Variants in FRAS1 observed in about 807,000 individuals in gnomAD.
The protein encoded by FRAS1 is extracellular matrix organizing protein FRAS1.
FRAS1 carries 290 observed loss-of-function variants against 435.2 expected under a neutral mutation model. The observed-to-expected ratio is 0.67, with a 90% CI of 0.61 to 0.73. The LOEUF is 0.73. FRAS1 is among the 30% of genes least tolerant of loss of function. FRAS1 has a pLI of 0.00. For synonymous variants in FRAS1, 1,800 were observed against 1,851.0 expected (o/e 0.97, Z 0.71); for missense variants, 4,860 against 5,001.5 (o/e 0.97, Z 0.85).
At chr4:78,294,268 T>C (rs1296400370) in intron 14 of FRAS1, among the ~76,000 whole-genome samples, 1 of 152,146 alleles carries the variant, frequency 6.6e-6, no homozygotes, top group African/African-American at 2.4e-5. Flanking sequence ...AAAGGTTGTT[T>C]TGGTTTGCGG....
chr4:78,387,662 C>T lies in FRAS1; in HGVS notation c.3936C>T (p.Ser1312=), dbSNP rs770982584. ...VAVLQANDGH[S]FHNILFQVKT... Reference sequence around the variant, plus strand: ...TCTTGCAGGCCAATGATGGACACTCCTTCCATAATATACTGTTCCAAGTGA... The same window carrying T: ...TCTTGCAGGCCAATGATGGACACTCTTTCCATAATATACTGTTCCAAGTGA... The change falls in exon 29 of 74, where the codon TCC becomes TCT. Residue 1312 remains serine (S), a synonymous_variant. Coordinates refer to ENST00000512123, the MANE Select transcript of FRAS1 (RefSeq NM_025074.7). The T allele has an allele frequency of 6.3e-7, 1 of 1,592,704 alleles. No individual in the cohort carries two copies. Among genetic ancestry groups the T allele is most frequent in the East Asian group, 2.2e-5 (1 of 44,662 alleles).
intron 2 of FRAS1, among the ~76,000 whole-genome samples, chr4:78,097,483 A>G (rs1741869073): frequency 6.6e-6 from 1 of 152,212 alleles, no homozygotes; most frequent in African/African-American, 2.4e-5. Context: ...GCAATTCACA[A>G]AAGAAAGAGG....
intron 31 of FRAS1, among the ~76,000 whole-genome samples, chr4:78,409,780 G>C (rs1163431058): frequency 6.6e-6 from 1 of 152,202 alleles, no homozygotes; most frequent in African/African-American, 2.4e-5. Context: ...GCCTCTCAAA[G>C]TCTGAGTCTT....
intron 37 of FRAS1, among the ~76,000 whole-genome samples, chr4:78,431,011 A>AT (rs1734198951): frequency 6.6e-6 from 1 of 152,216 alleles, no homozygotes; most frequent in African/African-American, 2.4e-5. Context: ...AGTGAATCTA[A>AT]TTTTTTAATA....
intron 6 of FRAS1, among the ~76,000 whole-genome samples, chr4:78,260,919 A>G (rs1726065309): frequency 6.6e-6 from 1 of 152,110 alleles, no homozygotes; most frequent in African/African-American, 2.4e-5. Context: ...TGTCTGGAAT[A>G]TTATGGAGCT....
chr4:78,174,608 G>C (rs1721687444), intron 2 of FRAS1, among the ~76,000 whole-genome samples: 1 of 152,196 alleles, frequency 6.6e-6, no homozygotes, highest in South Asian at 2.1e-4. Flanking sequence ...CATACCAACT[G>C]TCTAACAATT....
intron 61 of FRAS1, among the ~76,000 whole-genome samples, chr4:78,500,348 C>G (rs1268585540): frequency 1.3e-5 from 2 of 152,128 alleles, no homozygotes; most frequent in Admixed American, 1.3e-4. Context: ...AAACAGGATA[C>G]CCAGTTTTGG....
In FRAS1 at chr4:78,421,844, C is replaced by G. The variant is rs1367385137; in HGVS notation, c.4541-19C>G. 3 of 1,613,480 alleles carry G rather than the reference C, an allele frequency of 1.9e-6. No homozygotes were observed. Among genetic ancestry groups the G allele is most frequent in the Non-Finnish European group, 2.5e-6 (3 of 1,179,550 alleles). ...ATGAGAATTACTGTTGATGCTGAGG[C>G]CAAATCTCTTCCTCCCAGGTATCAT... On this transcript the variant is annotated intron_variant, in intron 33 of 73. Transcript: ENST00000512123.
In FRAS1 at chr4:78,541,173, G is replaced by A; in HGVS notation, c.*49G>A. 1 of 1,095,776 alleles carries A rather than the reference G, an allele frequency of 9.1e-7. No homozygotes were observed. The highest frequency in any genetic ancestry group is 1.2e-6 in the Non-Finnish European group (1 of 828,482). 67.9% of individuals were successfully genotyped at this position (1,095,776 alleles called of 1,614,324 possible). Reference sequence around the variant, plus strand: ...TTTCTAAAATCATTTTTATAAAATGGGGGGAAATACTGGTATTTTTATAAT... The same window carrying A: ...TTTCTAAAATCATTTTTATAAAATGAGGGGAAATACTGGTATTTTTATAAT... On this transcript the variant is annotated 3_prime_UTR_variant, in exon 74 of 74. Coordinates refer to ENST00000512123, the MANE Select transcript of FRAS1 (RefSeq NM_025074.7).
At chr4:78,411,561 G>A (rs1056357742) in intron 31 of FRAS1, among the ~76,000 whole-genome samples, 3 of 152,166 alleles carry the variant, frequency 2.0e-5, no homozygotes, top group Non-Finnish European at 4.4e-5. Flanking sequence ...AAGAAAGCAT[G>A]CACATTCAGA....
Position 78,424,422 on chromosome 4 carries a change from TA to T in FRAS1, c.4711+5del. The T allele has an allele frequency of 1.4e-6, 2 of 1,426,012 alleles. No individual in the cohort carries two copies. Among genetic ancestry groups the T allele is most frequent in the Non-Finnish European group, 9.3e-7 (1 of 1,075,086 alleles). The allele number at this position is 1,426,012 out of a possible 1,614,324, so 88.3% of individuals were successfully genotyped here. A position where few individuals can be genotyped will look rare whatever the true frequency, so the allele number is the denominator to read the frequency against. Reference sequence around the variant, plus strand: ...AATCAGTGAAATTCCACTTCACAGGTAAAGATTCATCTAAATTTTACTAGAA... The same window carrying T: ...AATCAGTGAAATTCCACTTCACAGGTAAGATTCATCTAAATTTTACTAGAA... On this transcript the variant is annotated splice_donor_region_variant and intron_variant, in intron 35 of 73. Transcript: ENST00000512123.
chr4:78,321,734 A>G (rs1026115583), intron 18 of FRAS1, among the ~76,000 whole-genome samples: 7 of 151,158 alleles, frequency 4.6e-5, no homozygotes, highest in Non-Finnish European at 1.0e-4. Flanking sequence ...AGTCCCAGCT[A>G]CTTGGGAGGG....
chr4:78,539,195 C>T (rs1721974766), intron 72 of FRAS1, 99 bp from the exon 73 acceptor site: 2 of 1,172,830 alleles, frequency 1.7e-6, no homozygotes, highest in Admixed American at 4.5e-5. Context: ...AACCTAAAGC[C>T]AGGAGTGATG....
At chr4:78,482,059 C>A in intron 57 of FRAS1, 95 bp downstream of exon 57, 1 of 1,232,660 alleles carries the variant, frequency 8.1e-7, no homozygotes, top group Non-Finnish European at 1.2e-6. Context: ...ACTCCCCTGG[C>A]GATATTCCTA....
rs180949557 is a variant in FRAS1, at chr4:78,513,549, T to A, written c.10171T>A (p.Ser3391Thr). Residue 3391 changes from serine (S) to threonine (T), a missense_variant, in exon 65 of 74, where the codon TCA becomes ACA. By Grantham distance (58) the Ser-to-Thr change is moderately conservative. Transcript: ENST00000512123. ...TACCACCTATGACCTGAGAGGCATC[T>A]CAGGTGAGATTGACAAGTTCAGGAC... Reference protein sequence around the residue: ...LVTTYDLRGISEAGFLDDVVY... With the variant: ...LVTTYDLRGITEAGFLDDVVY... 3 of 1,613,218 alleles carry A rather than the reference T, an allele frequency of 1.9e-6. No homozygotes were observed. In the African/African-American group the frequency reaches 4.0e-5, roughly 22 times the overall value.
At chr4:78,452,139 G>C in intron 46 of FRAS1, 36 bp from the exon 47 acceptor site, 1 of 1,596,098 alleles carries the variant, frequency 6.3e-7, no homozygotes, top group Non-Finnish European at 8.6e-7. Flanking sequence ...AGGCTGAGAA[G>C]ATCCCATTTC....
At chr4:78,312,255 A>G (rs562462588) in intron 15 of FRAS1, among the ~76,000 whole-genome samples, 74 of 148,492 alleles carry the variant, frequency 5.0e-4, no homozygotes, top group Non-Finnish European at 6.3e-4. Context: ...AGTTTTCCCA[A>G]CATTGTTTAG....
chr4:78,383,518 T>A (rs1732102912), intron 27 of FRAS1, among the ~76,000 whole-genome samples: 1 of 152,144 alleles, frequency 6.6e-6, no homozygotes, highest in Non-Finnish European at 1.5e-5. Flanking sequence ...GAATCAGCCA[T>A]CCTTCCCTAG....
chr4:78,234,045 C>G (rs1724631873), intron 2 of FRAS1, among the ~76,000 whole-genome samples: 1 of 152,100 alleles, frequency 6.6e-6, no homozygotes, highest in South Asian at 2.1e-4. Context: ...ACTTCCTGCT[C>G]CCAGAGTGGG....
Sources: gnomAD v4.1 joint callset for allele counts (sites outside exome capture counted in the v4.1 genomes callset) on GRCh38, gnomAD v4.1.1 for gene constraint, MANE v1.5 for transcripts, NCBI Gene and HGNC (gene_info 2026-07-23, HGNC 2026-07-21) for gene names.